The following RECQL5 variants were observed in gnomAD, a reference collection of about 807,000 sequenced individuals.
RECQL5 encodes RecQ like helicase 5.
A neutral mutation model predicts 103.4 loss-of-function variants in RECQL5; 88 were observed. The ratio of observed to expected loss-of-function variants is 0.85; its 90% CI spans 0.72 to 1.02. The LOEUF (loss-of-function observed/expected upper bound fraction) is 1.02, where lower values mean the gene tolerates loss of function less well. Among genes scored for constraint, RECQL5 ranks in the 50% least tolerant of loss-of-function variants. RECQL5 has a pLI of 0.00. For missense variants in RECQL5, 1,232 were observed against 1,284.3 expected (o/e 0.96, Z 0.62); for synonymous variants, 552 against 507.9 (o/e 1.09, Z -1.17).
At chr17:75,633,421 C>CTGT (rs1191317598) in intron 8 of RECQL5, 3 of 1,287,342 alleles carry the variant, frequency 2.3e-6, no homozygotes, top group Non-Finnish European at 3.0e-6. Flanking sequence ...GACAGCTGGG[C>CTGT]CAGGAGTGCG....
chr17:75,635,507 G>A (rs910657296), intron 8 of RECQL5, among the ~76,000 whole-genome samples: 2 of 152,198 alleles, frequency 1.3e-5, no homozygotes, highest in East Asian at 1.9e-4. Flanking sequence ...GCTTCCTCCC[G>A]CCCTGGGTGG....
chr17:75,642,724 G>C, intron 8 of RECQL5, among the ~76,000 whole-genome samples: 1 of 152,206 alleles, frequency 6.6e-6, no homozygotes, highest in East Asian at 1.9e-4. Flanking sequence ...TTTTGGTGCA[G>C]ATAAACTCAA....
intron 8 of RECQL5, chr17:75,635,823 C>A (rs2059310873): frequency 1.0e-6 from 1 of 985,474 alleles, no homozygotes; most frequent in Non-Finnish European, 1.2e-6. Context: ...CAGTCTCAAA[C>A]ACGCCGCCTG....
chr17:75,632,905 C>T (rs1190420637), intron 8 of RECQL5, among the ~76,000 whole-genome samples: 1 of 152,218 alleles, frequency 6.6e-6, no homozygotes, highest in Non-Finnish European at 1.5e-5. Flanking sequence ...AACTAGAACT[C>T]CTCCCAGTGT....
chr17:75,647,693 G>C, intron 8 of RECQL5: 1 of 866,010 alleles, frequency 1.2e-6, no homozygotes, highest in Non-Finnish European at 1.8e-6. Context: ...TTCCCATCAG[G>C]AAAAAGTCTA....
chr17:75,647,729 T>C, intron 8 of RECQL5: 1 of 682,974 alleles, frequency 1.5e-6, no homozygotes. Flanking sequence ...TGGCTTAGGG[T>C]TGGTCAGACT....
At chr17:75,642,737 A>C (rs753717571) in intron 8 of RECQL5, among the ~76,000 whole-genome samples, 63 of 152,148 alleles carry the variant, frequency 4.1e-4, no homozygotes, top group Non-Finnish European at 5.9e-4. Flanking sequence ...AAACTCAATT[A>C]CTCATCACAG....
At chr17:75,634,798 T>C (rs2059288154) in intron 8 of RECQL5, among the ~76,000 whole-genome samples, 1 of 152,194 alleles carries the variant, frequency 6.6e-6, no homozygotes, top group Non-Finnish European at 1.5e-5. Flanking sequence ...TGATGAGCCT[T>C]GAACACCAAA....
Position 75,629,252 on chromosome 17 carries a change from C to G in RECQL5, c.2171G>C (p.Gly724Ala), listed in dbSNP as rs890230635. 2 of 1,611,418 alleles carry G rather than the reference C, an allele frequency of 1.2e-6. No individual in the cohort carries two copies. Among genetic ancestry groups the G allele is most frequent in the African/African-American group, 1.3e-5 (1 of 74,908 alleles). The change falls in exon 16 of 20, where the codon GGG becomes GCG. Residue 724 changes from glycine to alanine, a missense_variant. Transcript: ENST00000317905. ...TGCCTTCTTCTCAGGGGAGGGCCCC[C>G]CATAGTGAGCGCTGCCTCCAGGGAC... The part of the protein sequence containing the change: ...GEVPGGSAHY[G>A]GPSPEKKAKS...
In RECQL5 at chr17:75,640,345, A is replaced by G. The variant is rs1162858460; in HGVS notation, c.1230-8677T>C. 6 of 1,535,486 alleles carry G rather than the reference A, an allele frequency of 3.9e-6. No homozygotes were observed. The highest frequency in any genetic ancestry group is 2.5e-5 in the East Asian group (1 of 40,626). ...TTTTCACAGGTTAGTTGGGGCACTC[A>G]GCACCCCATGGCTCTCCCTGGCATC... On this transcript the variant is annotated intron_variant, in intron 8 of 19. Transcript: ENST00000317905. The surrounding 1 kb of genome is among the most constrained non-coding windows in gnomAD (Gnocchi z 4.6).
chr17:75,640,463 G>T lies in RECQL5; in HGVS notation c.1230-8795C>A. Reference sequence around the variant, plus strand: ...GAGGAAAACCAGTTGTCCCTTGGGGGAAGCCAAGGGACTTCCCTCATCCTC... The same window carrying T: ...GAGGAAAACCAGTTGTCCCTTGGGGTAAGCCAAGGGACTTCCCTCATCCTC... On this transcript the variant is annotated intron_variant, in intron 8 of 19. Transcript: ENST00000317905. This position sits in a 1 kb window ranked among gnomAD's most constrained non-coding sequence, Gnocchi z 4.6. The T allele has an allele frequency of 7.4e-7, 1 of 1,344,066 alleles. No homozygotes were observed. Among genetic ancestry groups the T allele is most frequent in the East Asian group, 2.6e-5 (1 of 39,136 alleles). 83.3% of individuals were successfully genotyped at this position (1,344,066 alleles called of 1,614,324 possible).
Position 75,629,363 on chromosome 17 carries a change from C to T in RECQL5, c.2060G>A (p.Arg687Gln), listed in dbSNP as rs34941411. Residue 687 changes from arginine to glutamine, a missense_variant, in exon 16 of 20, where the codon CGG (arginine) becomes CAG (glutamine). Physicochemically the swap from Arg to Gln is conservative, Grantham distance 43. Coordinates refer to ENST00000317905, the MANE Select transcript of RECQL5 (RefSeq NM_004259.7). ...GCTCGGGGGCTCGTGCTCGCCTCCC[C>T]GCTCGGGCTGGGGGGCTTGCTCCCT... ...RIREQAPQPE[R>Q]GGEHEPPSRP... 34 of 1,512,830 alleles carry T rather than the reference C, an allele frequency of 2.2e-5. No individual in the cohort carries two copies. In the African/African-American group the frequency reaches 3.2e-4, roughly 14 times the overall value. 93.7% of individuals were successfully genotyped at this position (1,512,830 alleles called of 1,614,324 possible).
rs767952631 is a variant in RECQL5, at chr17:75,662,848, A to G, written c.402T>C (p.Ala134=). The change falls in exon 4 of 20, where the codon GCT becomes GCC. Residue 134 remains alanine, a synonymous_variant. Coordinates refer to ENST00000317905, the MANE Select transcript of RECQL5 (RefSeq NM_004259.7). ...KILYITPEMA[A]SSSFQPTLNS... is the part of the protein sequence containing the mutation. The stretch of plus-strand genomic sequence containing the variant: ...TCAGGGTGGGCTGGAAGGAGGATGA[A>G]GCTGCCATCTCTGGGGTGATGTACA... 6.2e-7 allele frequency: 1 copy of G among 1,614,146 alleles called. No homozygotes were observed. Among genetic ancestry groups the G allele is most frequent in the Non-Finnish European group, 8.5e-7 (1 of 1,180,032 alleles).
intron 8 of RECQL5, among the ~76,000 whole-genome samples, chr17:75,645,899 A>T (rs2059483486): frequency 6.6e-6 from 1 of 152,162 alleles, no homozygotes; most frequent in Non-Finnish European, 1.5e-5. Context: ...ACCAGCTGGG[A>T]TAAGCACCCG....
rs759611449 is a variant in RECQL5 at position 75,628,658 on chromosome 17, A to G, written c.2580+14T>C. 2 of 1,579,368 alleles carry G rather than the reference A, an allele frequency of 1.3e-6. No homozygotes were observed. Among genetic ancestry groups the G allele is most frequent in the Admixed American group, 2.0e-5 (1 of 50,292 alleles). ...CCCTTCTCTCCTCCCCAACAGACTC[A>G]TCCCTGCCGGCACCTGCTGGGATCG... On this transcript the variant is annotated intron_variant, in intron 17 of 19. Transcript: ENST00000317905.
Position 75,631,652 on chromosome 17 carries a change from T to C in RECQL5, c.1246A>G (p.Ile416Val). 6.2e-7 allele frequency: 1 copy of C among 1,610,876 alleles called. No individual in the cohort carries two copies. ...CEELGCRHAA[I>V]AKYFGDALPA... is the part of the protein sequence containing the mutation. ...AGCGCATCCCCGAAGTACTTGGCAA[T>C]GGCGGCATGGCGGCACCTGGAGCAG... The change falls in exon 9 of 20, where the codon ATT becomes GTT. Residue 416 changes from isoleucine to valine, a missense_variant. By Grantham distance (29) the Ile-to-Val change is conservative. Coordinates refer to ENST00000317905, the MANE Select transcript of RECQL5 (RefSeq NM_004259.7).
chr17:75,629,536 T>C, intron 15 of RECQL5, 61 bp from the exon 16 acceptor site: 4 of 1,498,672 alleles, frequency 2.7e-6, no homozygotes, highest in Non-Finnish European at 3.6e-6. Flanking sequence ...AGGGCACCGC[T>C]GGCTGGAGCA....
At chr17:75,661,809 T>A (rs1280193424) in intron 4 of RECQL5, 101 bp from the exon 5 acceptor site, 1 of 830,654 alleles carries the variant, frequency 1.2e-6, no homozygotes, top group East Asian at 2.6e-5. Context: ...GTTCCTTCTC[T>A]CGTCGGCTTC....
At chr17:75,630,071 C>A in intron 14 of RECQL5, 113 bp downstream of exon 14, 1 of 682,492 alleles carries the variant, frequency 1.5e-6, no homozygotes, top group Non-Finnish European at 2.3e-6. Flanking sequence ...CTGGGGTGGG[C>A]TGGGGAGGGT....
Sources: allele counts gnomAD v4.1 joint callset (sites outside exome capture counted in the v4.1 genomes callset), GRCh38; gene constraint gnomAD v4.1.1; non-coding constraint Gnocchi (gnomAD v3.1); transcripts MANE v1.5; gene names NCBI Gene and HGNC (gene_info 2026-07-23, HGNC 2026-07-21).